Variants in HMCN1 observed in about 807,000 individuals in gnomAD.
HMCN1 encodes hemicentin-1.
HMCN1 carries 321 observed loss-of-function variants against 625.9 expected under a neutral mutation model. The observed-to-expected ratio is 0.51, with a 90% CI of 0.47 to 0.56. HMCN1 has a LOEUF of 0.56. Among genes scored for constraint, HMCN1 ranks in the 20% least tolerant of loss-of-function variants. The pLI, the probability that HMCN1 is intolerant of heterozygous loss-of-function variation, is 0.00. For missense variants in HMCN1, 6,588 were observed against 6,887.3 expected, an observed-to-expected ratio of 0.96 and a Z score of 1.54; for synonymous variants, 2,425 against 2,417.6, an observed-to-expected ratio of 1.00 and a Z score of -0.09.
At chr1:185,835,492 A>G (rs1451758472) in intron 1 of HMCN1, among the ~76,000 whole-genome samples, 1 of 152,158 alleles carries the variant, frequency 6.6e-6, no homozygotes, top group Non-Finnish European at 1.5e-5. Flanking sequence ...TATCAGCATG[A>G]TGTATGTATT....
At chr1:185,814,265 A>G (rs1659707643) in intron 1 of HMCN1, among the ~76,000 whole-genome samples, 1 of 152,142 alleles carries the variant, frequency 6.6e-6, no homozygotes, top group African/African-American at 2.4e-5. Flanking sequence ...TCTGACTTAA[A>G]TGTTTTATTC....
Position 186,136,896 on chromosome 1 carries a change from TA to T in HMCN1, c.13543del (p.Met4515TrpfsTer11). Reference protein sequence around the residue: ...TSEFECVARNLMGSVLVRVPV... With the variant: ...TSEFECVARNXMGSVLVRVPV... ...GAATTTGAATGTGTTGCTCGAAACT[TA>T]ATGGGTTCTGTCCTTGTCAGAGTGC... On this transcript the variant is annotated frameshift_variant, in exon 87 of 107. Coordinates refer to ENST00000271588, the MANE Select transcript of HMCN1 (RefSeq NM_031935.3). LOFTEE classifies it high-confidence loss of function. 1 of 1,614,024 alleles carries T rather than the reference TA, an allele frequency of 6.2e-7. No homozygotes were observed. Among genetic ancestry groups the T allele is most frequent in the Non-Finnish European group, 8.5e-7 (1 of 1,179,942 alleles).
chr1:186,160,869 G>T (rs1303127676), intron 97 of HMCN1, among the ~76,000 whole-genome samples: 2 of 150,554 alleles, frequency 1.3e-5, no homozygotes, highest in African/African-American at 4.9e-5. Flanking sequence ...AATAGGTGTG[G>T]TGTGGTGCTG....
At chr1:186,036,886 G>A (rs554552653) in intron 36 of HMCN1, among the ~76,000 whole-genome samples, 52 of 151,816 alleles carry the variant, frequency 3.4e-4, no homozygotes, top group African/African-American at 1.1e-3. Context: ...TACCACACCC[G>A]GCCACCCATA....
chr1:186,067,235 C>T lies in HMCN1; in HGVS notation c.7706-599C>T, dbSNP rs560419857. Reference sequence around the variant, plus strand: ...AATCTTTCTTTACTTGCTCCTTCCACTTTATACCTTCCTTTAATGCTCTAG... The same window carrying T: ...AATCTTTCTTTACTTGCTCCTTCCATTTTATACCTTCCTTTAATGCTCTAG... On this transcript the variant is annotated intron_variant, in intron 49 of 106. Transcript: ENST00000271588. Among the ~76,000 whole-genome samples, 5 of 152,230 alleles carry T rather than the reference C, an allele frequency of 3.3e-5. No individual in the cohort carries two copies. In the South Asian group the frequency reaches 6.2e-4, roughly 19 times the overall value.
chr1:186,039,577 C>A (rs1321696519), intron 38 of HMCN1, 151 bp from the exon 39 acceptor site: 1 of 776,388 alleles, frequency 1.3e-6, no homozygotes, highest in South Asian at 1.5e-5. Flanking sequence ...GTGATTAGAT[C>A]TTAAATAAGA....
chr1:186,015,100 G>A, intron 30 of HMCN1, 59 bp from the exon 31 acceptor site: 3 of 1,453,534 alleles, frequency 2.1e-6, no homozygotes, highest in African/African-American at 1.4e-5. Flanking sequence ...TAGCATTTAA[G>A]ATTTTGATGA....
rs1037664854 is a variant in HMCN1, at chr1:186,172,083, G to C, written c.15766G>C (p.Asp5256His). ...CACCCGTGGTGGCTATAAGTGCATT[G>C]ATCTTTGTCCAAATGGAATGACCAA... is the stretch of plus-strand genomic sequence containing the variant. ...KNTRGGYKCI[D>H]LCPNGMTKAE... The change falls in exon 102 of 107, where the codon GAT (aspartate) becomes CAT (histidine). Residue 5256 changes from aspartate to histidine, a missense_variant. Physicochemically the swap from Asp to His is moderately conservative, Grantham distance 81. Around this residue, in one of 3 missense-constraint regions of HMCN1, gnomAD observed 1,954 missense variants for 2,013.1 expected, o/e 0.97. Transcript: ENST00000271588. 1 of 1,613,748 alleles carries C rather than the reference G, an allele frequency of 6.2e-7. No individual in the cohort carries two copies. The highest frequency in any genetic ancestry group is 8.5e-7 in the Non-Finnish European group (1 of 1,179,808).
intron 8 of HMCN1, 64 bp downstream of exon 8, chr1:185,923,717 G>A: frequency 7.8e-7 from 1 of 1,284,768 alleles, no homozygotes; most frequent in African/African-American, 1.5e-5. Context: ...TTGTCCCATA[G>A]GTAAATAACG....
rs569048214 is a variant in HMCN1 at position 185,760,551 on chromosome 1, T to C, written c.268+25504T>C. ...ATTTATTCATTAAATATTTATTGAG[T>C]GCCTACTCTATGCCTTATACTGTAT... On this transcript the variant is annotated intron_variant, in intron 1 of 106. Transcript: ENST00000271588. Among the ~76,000 whole-genome samples the C allele has an allele frequency of 3.3e-5, 5 of 152,278 alleles. No homozygotes were observed. The South Asian group carries it at 1.0e-3, about 32-fold the overall frequency.
chr1:185,978,148 G>A (rs996644597), intron 16 of HMCN1, 167 bp downstream of exon 16: 14 of 583,760 alleles, frequency 2.4e-5, no homozygotes, highest in Non-Finnish European at 3.9e-5. Flanking sequence ...TTCGGGAATT[G>A]TCATAAATGA....
At chr1:186,171,247 G>GTAA (rs1652213504) in intron 100 of HMCN1, 90 bp from the exon 101 acceptor site, 3 of 913,596 alleles carry the variant, frequency 3.3e-6, no homozygotes, top group African/African-American at 1.6e-5. Context: ...CTTAAACATG[G>GTAA]TAATGATCAA....
chr1:186,144,276 G>A lies in HMCN1; in HGVS notation c.14028G>A (p.Ala4676=), dbSNP rs115782304. The change falls in exon 90 of 107, where the codon GCG becomes GCA. Residue 4676 remains alanine, a synonymous_variant. Coordinates refer to ENST00000271588, the MANE Select transcript of HMCN1 (RefSeq NM_031935.3). Reference sequence around the variant, plus strand: ...GACTTTGTAATAACCCACCACCAGCGTTTGGTGGGTCCTACTGTGATGGAG... The same window carrying A: ...GACTTTGTAATAACCCACCACCAGCATTTGGTGGGTCCTACTGTGATGGAG... ...RARLCNNPPP[A]FGGSYCDGAE... is the part of the protein sequence containing the mutation. The A allele has an allele frequency of 6.5e-4, 1,057 of 1,613,816 alleles. 7 individuals carry two copies. The African/African-American group carries it at 0.012, about 19-fold the overall frequency.
rs1204432769 is a variant in HMCN1 at position 185,981,023 on chromosome 1, A to T, written c.2612A>T (p.Asn871Ile). 6.2e-7 allele frequency: 1 copy of T among 1,612,946 alleles called. No homozygotes were observed. The highest frequency in any genetic ancestry group is 8.5e-7 in the Non-Finnish European group (1 of 1,179,022). The change falls in exon 17 of 107, where the codon AAC becomes ATC. Residue 871 changes from asparagine (N) to isoleucine (I), a missense_variant. Physicochemically the swap from Asn to Ile is moderately radical, Grantham distance 149 (BLOSUM62 -3). This residue lies in a region of HMCN1 where 4,628 missense variants were observed against 4,853.1 expected (regional missense o/e 0.95). Transcript: ENST00000271588. ...DKGTYICEAENQFGKIQSETT... is the reference protein window; with the variant it reads ...DKGTYICEAEIQFGKIQSETT... ...GGAACCTATATTTGTGAAGCTGAAA[A>T]CCAGTTTGGAAAGATCCAGTCAGAG...
intron 4 of HMCN1, among the ~76,000 whole-genome samples, chr1:185,878,138 T>A (rs1283037759): frequency 6.6e-6 from 1 of 152,234 alleles, no homozygotes; most frequent in Non-Finnish European, 1.5e-5. Flanking sequence ...AAGTTGCTTA[T>A]CAAGTCTAGG....
At chr1:185,784,675 G>T (rs183347962) in intron 1 of HMCN1, among the ~76,000 whole-genome samples, 15 of 152,192 alleles carry the variant, frequency 9.9e-5, no homozygotes, top group Admixed American at 2.6e-4. Flanking sequence ...CTATTTATTG[G>T]GGGGTTTCTA....
chr1:185,959,620 T>C (rs1041775567), intron 11 of HMCN1, among the ~76,000 whole-genome samples: 2 of 152,158 alleles, frequency 1.3e-5, no homozygotes, highest in Non-Finnish European at 1.5e-5. Flanking sequence ...TTCTTGATGA[T>C]GATGATGTTG....
chr1:185,777,597 A>G (rs2102162338), intron 1 of HMCN1, among the ~76,000 whole-genome samples: 1 of 152,168 alleles, frequency 6.6e-6, no homozygotes, highest in East Asian at 1.9e-4. Flanking sequence ...GACTACAGGC[A>G]TGCGCCACCA....
intron 1 of HMCN1, among the ~76,000 whole-genome samples, chr1:185,777,067 A>G (rs1047745965): frequency 6.6e-6 from 1 of 152,202 alleles, no homozygotes; most frequent in Non-Finnish European, 1.5e-5. Flanking sequence ...CATACAGGAC[A>G]ATATTTATTA....
Sources: allele counts gnomAD v4.1 joint callset (sites outside exome capture counted in the v4.1 genomes callset), GRCh38; gene constraint gnomAD v4.1.1; regional missense constraint gnomAD v4.1.1; transcripts MANE v1.5; gene names NCBI Gene and HGNC (gene_info 2026-07-23, HGNC 2026-07-21).